The following QRICH2 variants were observed in gnomAD, a reference collection of about 807,000 sequenced individuals.
The protein encoded by QRICH2 is glutamine-rich protein 2.
In QRICH2, 119 loss-of-function variants were observed where a neutral mutation model predicts 168.3. The observed-to-expected ratio is 0.71, with a 90% CI of 0.61 to 0.82. The LOEUF (loss-of-function observed/expected upper bound fraction) is 0.82, where lower values mean the gene tolerates loss of function less well. QRICH2 is among the 40% of genes least tolerant of loss of function. The pLI, the probability that QRICH2 is intolerant of heterozygous loss-of-function variation, is 0.00. For missense variants in QRICH2, 2,241 were observed against 2,491.6 expected, an observed-to-expected ratio of 0.90 and a Z score of 2.14; for synonymous variants, 894 against 951.2, an observed-to-expected ratio of 0.94 and a Z score of 1.11.
At position 76,293,657 on chromosome 17, in the gene QRICH2, G is replaced by A. The variant is rs1290978486; in HGVS notation, c.1070C>T (p.Ala357Val). 9 of 1,614,070 alleles carry A rather than the reference G, an allele frequency of 5.6e-6. No homozygotes were observed. Among genetic ancestry groups the A allele is most frequent in the Non-Finnish European group, 7.6e-6 (9 of 1,180,024 alleles). ...KLTSTQPRRN[A>V]RPGPVQQDLP... The stretch of plus-strand genomic sequence containing the variant: ...GTCCTGTTGAACTGGACCAGGACGT[G>A]CATTTCTTCTTGGTTGTGTCGAGGT... The change falls in exon 4 of 19, where the codon GCA becomes GTA. Residue 357 changes from alanine to valine, a missense_variant. By Grantham distance (64) the Ala-to-Val change is moderately conservative. Transcript: ENST00000680821.
At chr17:76,301,971 C>T (rs1378306341) in intron 3 of QRICH2, among the ~76,000 whole-genome samples, 1 of 151,692 alleles carries the variant, frequency 6.6e-6, no homozygotes, top group Non-Finnish European at 1.5e-5. Flanking sequence ...ACGATCTTAG[C>T]TCACTGCAAC....
At chr17:76,278,330 G>T in intron 14 of QRICH2, 141 bp from the exon 15 acceptor site, 1 of 741,330 alleles carries the variant, frequency 1.3e-6, no homozygotes, top group Non-Finnish European at 2.2e-6. Context: ...TGACCCCTCA[G>T]CAGTAGTCCT....
intron 15 of QRICH2, 45 bp from the exon 16 acceptor site, chr17:76,277,355 G>T (rs925052790): frequency 6.3e-7 from 1 of 1,593,074 alleles, no homozygotes; most frequent in Non-Finnish European, 8.5e-7. Flanking sequence ...GACCACCAGG[G>T]ATGTCACCTG....
chr17:76,290,317 C>T (rs538634211), intron 4 of QRICH2, among the ~76,000 whole-genome samples: 2 of 152,122 alleles, frequency 1.3e-5, no homozygotes, highest in Admixed American at 6.6e-5. Flanking sequence ...AACTGACTCC[C>T]GAATTCCAAC....
chr17:76,293,578 G>A lies in QRICH2; in HGVS notation c.1149C>T (p.Val383=). 6.2e-7 allele frequency: 1 copy of A among 1,614,194 alleles called. No homozygotes were observed. Among genetic ancestry groups the A allele is most frequent in the Non-Finnish European group, 8.5e-7 (1 of 1,180,030 alleles). Residue 383 remains valine, a synonymous_variant, in exon 4 of 19, where the codon GTC becomes GTT. Transcript: ENST00000680821. ...PSSVPASQSQ[V]HLRPDRRGLE... ...ACCCACGACGATCTGGCCTTAGATG[G>A]ACCTGACTCTGGCTAGCGGGCACAC...
chr17:76,284,168 C>CAAAAAAAAAAAAAAAAAAAAAAAA lies in QRICH2; in HGVS notation c.4012-2077_4012-2054dup, dbSNP rs61553346. On this transcript the variant is annotated intron_variant, in intron 7 of 18. Transcript: ENST00000680821. ...GGGCAACAGAGCAAAACTCTGTCTC[C>CAAAAAAAAAAAAAAAAAAAAAAAA]AAAAAAAAAAAAAAAAAAAAAAAAA... is the stretch of plus-strand genomic sequence containing the variant. Among the ~76,000 whole-genome samples, 8 of 62,748 alleles carry CAAAAAAAAAAAAAAAAAAAAAAAA rather than the reference C, an allele frequency of 1.3e-4. 1 individual carries two copies. Among genetic ancestry groups the CAAAAAAAAAAAAAAAAAAAAAAAA allele is most frequent in the South Asian group, 4.1e-4 (1 of 2,460 alleles). The allele number at this position is 62,748 out of a possible 152,430, so 41.2% of individuals were successfully genotyped here.
chr17:76,279,176 G>T, intron 13 of QRICH2, 34 bp from the exon 14 acceptor site: 1 of 1,552,360 alleles, frequency 6.4e-7, no homozygotes, highest in South Asian at 1.1e-5. Context: ...GGGCGGGTCA[G>T]AGTGGGACAA....
At chr17:76,299,611 C>T (rs912403041) in intron 3 of QRICH2, among the ~76,000 whole-genome samples, 1 of 151,794 alleles carries the variant, frequency 6.6e-6, no homozygotes, top group African/African-American at 2.4e-5. Flanking sequence ...ATGGTGGGCG[C>T]CTGTAATCTC....
At chr17:76,297,907 C>G (rs1367645096) in intron 3 of QRICH2, among the ~76,000 whole-genome samples, 2 of 95,024 alleles carry the variant, frequency 2.1e-5, no homozygotes, top group Non-Finnish European at 4.0e-5. Flanking sequence ...GAGACAGAGT[C>G]TTGCTGTGTC....
At chr17:76,294,766 T>C (rs1171522059) in intron 3 of QRICH2, among the ~76,000 whole-genome samples, 2 of 150,762 alleles carry the variant, frequency 1.3e-5, no homozygotes, top group South Asian at 2.1e-4. Flanking sequence ...TGAGCCGAGA[T>C]TGCACCATTG....
rs1238517922 is a variant in QRICH2, at chr17:76,307,486, G to T, written c.513C>A (p.Ala171=). 4 of 1,613,788 alleles carry T rather than the reference G, an allele frequency of 2.5e-6. No homozygotes were observed. The East Asian group carries it at 8.9e-5, about 36-fold the overall frequency. ...TCACCCTGGCAAAGCTGAGCTCCTC[G>T]GCGGCGTCCTTCATGATACTCCCAG... ...VRTGSIMKDA[A]EELSFARVLL... is the part of the protein sequence containing the mutation. Residue 171 remains alanine (A), a synonymous_variant, in exon 1 of 19, where the codon GCC becomes GCA. Coordinates refer to ENST00000680821, the MANE Select transcript of QRICH2 (RefSeq NM_001388453.1). The surrounding 1 kb of genome is among the most constrained non-coding windows in gnomAD (Gnocchi z 5.3).
rs1188239129 is a variant in QRICH2 at position 76,278,020 on chromosome 17, CGT to C, written c.5084_5085del (p.His1695ArgfsTer17). On this transcript the variant is annotated frameshift_variant, in exon 15 of 19. Coordinates refer to ENST00000680821, the MANE Select transcript of QRICH2 (RefSeq NM_001388453.1). LOFTEE classifies it high-confidence loss of function. ...TAGCAGGGGGAGCCCAGGCACTGGGCGTGCAGCAGCTCGCGGATTATCTGGCT... is the reference window on the plus strand; with the variant it reads ...TAGCAGGGGGAGCCCAGGCACTGGGCGCAGCAGCTCGCGGATTATCTGGCT... ...ASSQIIRELLHAQCLGSPCYK... is the reference protein window; with the variant it reads ...ASSQIIRELLXAQCLGSPCYK... The C allele has an allele frequency of 1.2e-6, 2 of 1,613,080 alleles. No individual in the cohort carries two copies. Among genetic ancestry groups the C allele is most frequent in the African/African-American group, 2.7e-5 (2 of 74,956 alleles).
intron 15 of QRICH2, 83 bp downstream of exon 15, chr17:76,277,906 G>A (rs1450626499): frequency 6.9e-7 from 1 of 1,444,274 alleles, no homozygotes; most frequent in African/African-American, 1.4e-5. Flanking sequence ...GTGGGGCAAG[G>A]CATTTGCACA....
At chr17:76,303,533 T>C (rs2070938350) in intron 3 of QRICH2, among the ~76,000 whole-genome samples, 1 of 152,110 alleles carries the variant, frequency 6.6e-6, no homozygotes, top group Non-Finnish European at 1.5e-5. Context: ...TTTGGTCATC[T>C]GTACACTGTC....
In QRICH2 at chr17:76,305,036, C is replaced by T. The variant is rs1677185110; in HGVS notation, c.535-95G>A. 3 of 847,360 alleles carry T rather than the reference C, an allele frequency of 3.5e-6. No homozygotes were observed. In the South Asian group the frequency reaches 4.0e-5, roughly 11 times the overall value. 52.5% of individuals were successfully genotyped at this position (847,360 alleles called of 1,614,324 possible). ...ACAGATGCGCACACACACTCTCACACTCAGACACACACATGCATACACGCA... is the reference window on the plus strand; with the variant it reads ...ACAGATGCGCACACACACTCTCACATTCAGACACACACATGCATACACGCA... On this transcript the variant is annotated intron_variant, in intron 1 of 18. Coordinates refer to ENST00000680821, the MANE Select transcript of QRICH2 (RefSeq NM_001388453.1).
Position 76,277,321 on chromosome 17 carries a change from G to A in QRICH2, c.5118-11C>T. 2 of 1,609,516 alleles carry A rather than the reference G, an allele frequency of 1.2e-6. No homozygotes were observed. Among genetic ancestry groups the A allele is most frequent in the Non-Finnish European group, 1.7e-6 (2 of 1,178,600 alleles). Reference sequence around the variant, plus strand: ...GCCATATCTGTCACCCTGTGATGAAGACAGGATGGAGTCATTGGGAGCAGA... The same window carrying A: ...GCCATATCTGTCACCCTGTGATGAAAACAGGATGGAGTCATTGGGAGCAGA... On this transcript the variant is annotated splice_polypyrimidine_tract_variant and intron_variant, in intron 15 of 18. Coordinates refer to ENST00000680821, the MANE Select transcript of QRICH2 (RefSeq NM_001388453.1).
In QRICH2 at chr17:76,291,241, G is replaced by A. The variant is rs1292110884; in HGVS notation, c.3486C>T (p.Asp1162=). 13 of 1,614,178 alleles carry A rather than the reference G, an allele frequency of 8.1e-6. No individual in the cohort carries two copies. The highest frequency in any genetic ancestry group is 1.1e-5 in the Non-Finnish European group (13 of 1,180,034). The change falls in exon 4 of 19, where the codon GAC becomes GAT. Residue 1162 remains aspartate, a synonymous_variant. Transcript: ENST00000680821. ...CTTCGCTCCCTTCTGATAAGACTCG[G>A]TCGACGGAGTCTGGACTCCTGAAAA... The part of the protein sequence containing the change: ...VTLFRSPDSV[D]RVLSEGSEVS...
In QRICH2 at chr17:76,277,330, G is replaced by C. The variant is rs772847591; in HGVS notation, c.5118-20C>G. 39 of 1,606,502 alleles carry C rather than the reference G, an allele frequency of 2.4e-5. No homozygotes were observed. The South Asian group carries it at 4.3e-4, about 18-fold the overall frequency. On this transcript the variant is annotated intron_variant, in intron 15 of 18. Coordinates refer to ENST00000680821, the MANE Select transcript of QRICH2 (RefSeq NM_001388453.1). The stretch of plus-strand genomic sequence containing the variant: ...GTCACCCTGTGATGAAGACAGGATG[G>C]AGTCATTGGGAGCAGACCACCAGGG...
intron 15 of QRICH2, 91 bp from the exon 16 acceptor site, chr17:76,277,401 G>A: frequency 6.9e-7 from 1 of 1,443,854 alleles, no homozygotes; most frequent in Non-Finnish European, 9.5e-7. Context: ...CAGAGGGAAG[G>A]GGCACAGCTT....
Sources: allele counts gnomAD v4.1 joint callset (sites outside exome capture counted in the v4.1 genomes callset), GRCh38; gene constraint gnomAD v4.1.1; non-coding constraint Gnocchi (gnomAD v3.1); transcripts MANE v1.5; gene names NCBI Gene and HGNC (gene_info 2026-07-23, HGNC 2026-07-21).